GARIN1A: variants seen among roughly 807,000 people sequenced by gnomAD.
GARIN1A encodes golgi associated RAB2 interactor 1A, also known as Golgi-associated RAB2 interactor protein 1A.
the GARIN1A span, among the ~76,000 whole-genome samples, chr7:128,704,673 T>C: frequency 2.0e-5 from 3 of 152,142 alleles, no homozygotes; most frequent in Non-Finnish European, 4.4e-5. Flanking sequence ...TTCGCACGCC[T>C]ATGAGAATCT....
chr7:128,686,890 T>A, the GARIN1A span: 22,562 of 86,826 alleles, frequency 0.26, 2,089 homozygotes, highest in African/African-American at 0.35. Context: ...AAAAAAAAAA[T>A]ATATCTGACT....
chr7:128,682,011 C>G, the GARIN1A span, among the ~76,000 whole-genome samples: 4 of 151,684 alleles, frequency 2.6e-5, no homozygotes, highest in African/African-American at 7.3e-5. Context: ...CTTGCTTGCT[C>G]TCTCTCATAC....
At chr7:128,689,932 G>A in the GARIN1A span, among the ~76,000 whole-genome samples, 101 of 152,210 alleles carry the variant, frequency 6.6e-4, no homozygotes, top group Non-Finnish European at 1.1e-3. Flanking sequence ...TTGAGAACGG[G>A]CCATGATGAC....
the GARIN1A span, among the ~76,000 whole-genome samples, chr7:128,705,989 C>A: frequency 1.3e-5 from 2 of 152,078 alleles, no homozygotes; most frequent in Admixed American, 6.5e-5. Context: ...ATCCCTTCTA[C>A]AATTAAGAGT....
chr7:128,695,996 C>A, the GARIN1A span, among the ~76,000 whole-genome samples: 3 of 148,410 alleles, frequency 2.0e-5, no homozygotes, highest in African/African-American at 7.4e-5. This position sits in a 1 kb window ranked among gnomAD's most constrained non-coding sequence, Gnocchi z 4.5. Context: ...CCCTCCCTGC[C>A]TTCCTAACTT....
the GARIN1A span, chr7:128,690,651 T>C: frequency 6.6e-6 from 1 of 152,198 alleles, no homozygotes; most frequent in East Asian, 1.9e-4. Flanking sequence ...AAAATCTTTT[T>C]CCACATGTTC....
At chr7:128,677,628 A>G in the GARIN1A span, 3 of 1,613,650 alleles carry the variant, frequency 1.9e-6, no homozygotes, top group Non-Finnish European at 2.5e-6. Flanking sequence ...CCTGAGGGTT[A>G]GGACAGTGAC....
At chr7:128,705,644 A>AT in the GARIN1A span, among the ~76,000 whole-genome samples, 5 of 121,962 alleles carry the variant, frequency 4.1e-5, no homozygotes, top group Admixed American at 8.7e-5. Flanking sequence ...CCAAATGGTG[A>AT]TTTTTTTGGT....
At chr7:128,692,644 C>A in the GARIN1A span, among the ~76,000 whole-genome samples, 1 of 152,146 alleles carries the variant, frequency 6.6e-6, no homozygotes, top group Admixed American at 6.5e-5. Flanking sequence ...AGGAATAACA[C>A]CCAAATGGAC....
At chr7:128,679,265 T>C in the GARIN1A span, among the ~76,000 whole-genome samples, 3 of 151,998 alleles carry the variant, frequency 2.0e-5, no homozygotes, top group Non-Finnish European at 4.4e-5. Context: ...TAATCTTGGC[T>C]CACTGAAACC....
At chr7:128,681,141 T>C in the GARIN1A span, among the ~76,000 whole-genome samples, 199 of 152,364 alleles carry the variant, frequency 1.3e-3, 1 homozygote, top group African/African-American at 4.5e-3. Context: ...CCACATAGCA[T>C]ATGGGCTCTC....
chr7:128,672,164 CCT>C, the GARIN1A span: 3 of 470,674 alleles, frequency 6.4e-6, no homozygotes, highest in Admixed American at 3.9e-5. Context: ...CCTGGCACAT[CCT>C]CTGTCCTTCC....
At chr7:128,698,148 G>A in the GARIN1A span, among the ~76,000 whole-genome samples, 1 of 152,130 alleles carries the variant, frequency 6.6e-6, no homozygotes, top group African/African-American at 2.4e-5. Flanking sequence ...TGGTGAAACG[G>A]TGTGACAAAA....
At chr7:128,672,649 A>AGGGGGGGGGGG in the GARIN1A span, 4 of 124,336 alleles carry the variant, frequency 3.2e-5, no homozygotes, top group Non-Finnish European at 5.0e-5. Context: ...GCCCTGGGGG[A>AGGGGGGGGGGG]GGGGGGGGCG....
At chr7:128,677,576 G>A in the GARIN1A span, 2 of 1,603,186 alleles carry the variant, frequency 1.2e-6, no homozygotes, top group Non-Finnish European at 1.7e-6. Flanking sequence ...TTCTCCCCCT[G>A]AAGTACGTGG....
At chr7:128,692,340 A>G in the GARIN1A span, among the ~76,000 whole-genome samples, 35 of 152,304 alleles carry the variant, frequency 2.3e-4, no homozygotes, top group Non-Finnish European at 3.5e-4. Flanking sequence ...TGGCTGCTCC[A>G]CATTGTTTCT....
At chr7:128,686,244 T>G in the GARIN1A span, 1 of 152,074 alleles carries the variant, frequency 6.6e-6, no homozygotes, top group Non-Finnish European at 1.5e-5. Flanking sequence ...GTAACCCCAA[T>G]TGGTCTCCCA....
chr7:128,677,916 G>C, the GARIN1A span: 1 of 1,018,698 alleles, frequency 9.8e-7, no homozygotes. Context: ...TCTTTTAAAA[G>C]CTCTTTGTAA....
chr7:128,690,811 AAGAG>A, the GARIN1A span: 1 of 152,182 alleles, frequency 6.6e-6, no homozygotes, highest in Non-Finnish European at 1.5e-5. Context: ...AAGAGAGATG[AAGAG>A]AGAGTCCAGA....
Sources: gnomAD v4.1 joint callset for allele counts (sites outside exome capture counted in the v4.1 genomes callset) on GRCh38, gnomAD v4.1.1 for gene constraint, Gnocchi (gnomAD v3.1) non-coding constraint, MANE v1.5 for transcripts, NCBI Gene and HGNC (gene_info 2026-07-23, HGNC 2026-07-21) for gene names.